Variants in PTPRT observed in about 807,000 individuals in gnomAD.
PTPRT encodes the protein receptor-type tyrosine-protein phosphatase T.
A neutral mutation model predicts 176.8 loss-of-function variants in PTPRT; 56 were observed. That is an observed-to-expected ratio of 0.32 (90% confidence interval 0.26 to 0.40). The LOEUF (loss-of-function observed/expected upper bound fraction) is 0.40, where lower values mean the gene tolerates loss of function less well. Ranked by LOEUF, PTPRT falls within the 10% of genes least tolerant of loss-of-function variation. The pLI is 1.00. For missense variants in PTPRT, 1,540 were observed against 1,908.2 expected (o/e 0.81, Z 3.60); for synonymous variants, 783 against 739.0 (o/e 1.06, Z -0.96).
At chr20:42,450,444 C>T (rs376113884) in intron 8 of PTPRT, among the ~76,000 whole-genome samples, 1 of 152,156 alleles carries the variant, frequency 6.6e-6, no homozygotes, top group African/African-American at 2.4e-5. Flanking sequence ...CTGGAGAGTA[C>T]AGATTTTGTT....
At chr20:42,277,584 T>G (rs1047715364) in intron 13 of PTPRT, among the ~76,000 whole-genome samples, 3 of 152,170 alleles carry the variant, frequency 2.0e-5, no homozygotes, top group Non-Finnish European at 4.4e-5. Flanking sequence ...CTATTTGACT[T>G]CAAGGACTGA....
chr20:42,919,369 A>T (rs1978997562), intron 1 of PTPRT, among the ~76,000 whole-genome samples: 1 of 152,150 alleles, frequency 6.6e-6, no homozygotes, highest in Admixed American at 6.5e-5. Flanking sequence ...GCTTCCTTTG[A>T]GGACTGGAAC....
intron 7 of PTPRT, among the ~76,000 whole-genome samples, chr20:42,491,879 G>C (rs1403280204): frequency 1.3e-5 from 2 of 151,942 alleles, no homozygotes; most frequent in East Asian, 3.9e-4. Context: ...CCACTAATCT[G>C]TTCTCCATCT....
At chr20:43,090,037 C>T (rs1437687340) in intron 1 of PTPRT, among the ~76,000 whole-genome samples, 1 of 151,638 alleles carries the variant, frequency 6.6e-6, no homozygotes, top group African/African-American at 2.4e-5. Flanking sequence ...CAAAACTACT[C>T]AGCAATCTGT....
intron 1 of PTPRT, among the ~76,000 whole-genome samples, chr20:42,916,467 T>C (rs1041825154): frequency 6.6e-6 from 1 of 152,224 alleles, no homozygotes; most frequent in Non-Finnish European, 1.5e-5. Context: ...TATAATCCTT[T>C]GGGTATATAC....
At chr20:42,516,705 C>T (rs2205944) in intron 7 of PTPRT, among the ~76,000 whole-genome samples, 24,279 of 152,040 alleles carry the variant, frequency 0.16, 1,971 homozygotes, top group Middle Eastern at 0.18. Context: ...TCCTGCCATA[C>T]GCTTCTGGTT....
At chr20:42,336,115 T>C (rs1026261109) in intron 11 of PTPRT, among the ~76,000 whole-genome samples, 1 of 152,160 alleles carries the variant, frequency 6.6e-6, no homozygotes, top group African/African-American at 2.4e-5. Context: ...AATAATATAA[T>C]ACTTACATAT....
At chr20:42,433,644 T>G (rs566163314) in intron 9 of PTPRT, among the ~76,000 whole-genome samples, 2 of 152,268 alleles carry the variant, frequency 1.3e-5, no homozygotes, top group African/African-American at 4.8e-5. Context: ...AAATTCAAGT[T>G]TTAAAACAAG....
intron 27 of PTPRT, among the ~76,000 whole-genome samples, chr20:42,097,355 C>A (rs969223878): frequency 2.6e-5 from 4 of 152,190 alleles, no homozygotes; most frequent in African/African-American, 9.7e-5. Context: ...GTATATTCAT[C>A]CCCTGCCTCG....
At chr20:42,540,451 A>C (rs1238627044) in intron 7 of PTPRT, among the ~76,000 whole-genome samples, 1 of 152,170 alleles carries the variant, frequency 6.6e-6, no homozygotes, top group Non-Finnish European at 1.5e-5. Flanking sequence ...GGAATACAGC[A>C]GGAGTAAAGC....
chr20:43,128,737 A>G (rs1426495030), intron 1 of PTPRT, among the ~76,000 whole-genome samples: 4 of 152,176 alleles, frequency 2.6e-5, no homozygotes, highest in African/African-American at 9.7e-5. Context: ...CCTTCAGCAC[A>G]TTTGAAAGAC....
chr20:42,370,220 TG>T lies in PTPRT; in HGVS notation c.1561-17936del, dbSNP rs2058569149. ...TTCATTTCACTGCCATGTAACTCCC[TG>T]GGGGAAACAGCCCAGGAAGCAGCTG... is the stretch of plus-strand genomic sequence containing the variant. On this transcript the variant is annotated intron_variant, in intron 9 of 30. Coordinates refer to ENST00000373187, the MANE Select transcript of PTPRT (RefSeq NM_007050.6). Among the ~76,000 whole-genome samples, 16 of 152,318 alleles carry T rather than the reference TG, an allele frequency of 1.1e-4. No individual in the cohort carries two copies. In the South Asian group the frequency reaches 3.3e-3, roughly 32 times the overall value.
intron 7 of PTPRT, among the ~76,000 whole-genome samples, chr20:42,559,399 A>G (rs2072913400): frequency 6.6e-6 from 1 of 152,198 alleles, no homozygotes; most frequent in Non-Finnish European, 1.5e-5. Flanking sequence ...AGCAGCTAGT[A>G]GAGTCCTGGC....
At chr20:42,729,604 G>A (rs564119213) in intron 6 of PTPRT, among the ~76,000 whole-genome samples, 3 of 152,294 alleles carry the variant, frequency 2.0e-5, no homozygotes, top group Admixed American at 6.5e-5. Flanking sequence ...TGAGGCCATG[G>A]CTATATAACG....
intron 4 of PTPRT, among the ~76,000 whole-genome samples, chr20:42,776,221 T>A (rs771156978): frequency 2.6e-5 from 4 of 152,184 alleles, no homozygotes; most frequent in Non-Finnish European, 5.9e-5. Flanking sequence ...CTCTATGCTC[T>A]AAGTTTCTTC....
chr20:42,756,696 C>G, intron 5 of PTPRT, 60 bp from the exon 6 acceptor site: 1 of 1,393,584 alleles, frequency 7.2e-7, no homozygotes, highest in East Asian at 2.5e-5. Context: ...TTCTAGGTGA[C>G]TCCCAACACG....
intron 9 of PTPRT, among the ~76,000 whole-genome samples, chr20:42,386,930 CCAAGATCA>C (rs1276764246): frequency 6.6e-6 from 1 of 152,120 alleles, no homozygotes; most frequent in East Asian, 1.9e-4. Flanking sequence ...TTTTATGTGT[CCAAGATCA>C]CAAGATCATA....
chr20:43,145,243 A>G (rs1310442653), intron 1 of PTPRT, among the ~76,000 whole-genome samples: 1 of 152,256 alleles, frequency 6.6e-6, no homozygotes, highest in East Asian at 1.9e-4. Context: ...TACTTTATTT[A>G]TGTATTTATT....
At chr20:43,062,556 T>C (rs1987512455) in intron 1 of PTPRT, among the ~76,000 whole-genome samples, 1 of 152,230 alleles carries the variant, frequency 6.6e-6, no homozygotes, top group Non-Finnish European at 1.5e-5. Context: ...TTCCTTACTA[T>C]TAGCTCTCCC....
Sources: allele counts gnomAD v4.1 joint callset (sites outside exome capture counted in the v4.1 genomes callset), GRCh38; gene constraint gnomAD v4.1.1; transcripts MANE v1.5; gene names NCBI Gene and HGNC (gene_info 2026-07-23, HGNC 2026-07-21).